NDUFAF2: variants seen among roughly 807,000 people sequenced by gnomAD.
The protein encoded by NDUFAF2 is NADH:ubiquinone oxidoreductase complex assembly factor 2.
A neutral mutation model predicts 22.8 loss-of-function variants in NDUFAF2; 13 were observed. The observed-to-expected ratio is 0.57, with a 90% CI of 0.37 to 0.91. NDUFAF2 has a LOEUF of 0.91. Ranked by LOEUF, NDUFAF2 falls within the 40% of genes least tolerant of loss-of-function variation. NDUFAF2 has a pLI of 0.01. For synonymous variants in NDUFAF2, 53 were observed against 64.2 expected (o/e 0.83, Z 0.84); for missense variants, 162 against 195.2 (o/e 0.83, Z 1.01).
chr5:60,969,080 A>T (rs866141437), intron 1 of NDUFAF2, among the ~76,000 whole-genome samples: 3 of 152,110 alleles, frequency 2.0e-5, no homozygotes. Flanking sequence ...TCCACTGTGT[A>T]TGTGTACCAC....
intron 3 of NDUFAF2, among the ~76,000 whole-genome samples, chr5:61,148,695 T>G (rs1263017532): frequency 1.3e-5 from 2 of 152,232 alleles, no homozygotes; most frequent in East Asian, 3.8e-4. Flanking sequence ...GGATTTGTAT[T>G]CAGTGGTCTG....
chr5:61,099,110 T>G (rs1752676982), intron 3 of NDUFAF2, 78 bp downstream of exon 3: 2 of 977,586 alleles, frequency 2.0e-6, no homozygotes, highest in Middle Eastern at 2.3e-4. Flanking sequence ...AACTATGATG[T>G]ATTTTCTCAA....
At chr5:61,115,005 G>C (rs1475443236) in intron 3 of NDUFAF2, 1 of 152,652 alleles carries the variant, frequency 6.6e-6, no homozygotes, top group Non-Finnish European at 1.5e-5. Context: ...AGGGAGGTGA[G>C]TTCCTTGGTT....
At chr5:61,084,022 G>T (rs999041948) in intron 2 of NDUFAF2, among the ~76,000 whole-genome samples, 1 of 151,674 alleles carries the variant, frequency 6.6e-6, no homozygotes, top group African/African-American at 2.4e-5. Context: ...ACTGGTAAAA[G>T]TGAACAACTT....
chr5:60,965,358 C>T (rs772906650), intron 1 of NDUFAF2, among the ~76,000 whole-genome samples: 128 of 152,128 alleles, frequency 8.4e-4, no homozygotes, highest in Non-Finnish European at 2.4e-4. Context: ...CTACACCTCA[C>T]AGGCTTATTT....
intron 3 of NDUFAF2, among the ~76,000 whole-genome samples, chr5:61,104,550 TA>T (rs780965525): frequency 6.6e-6 from 1 of 151,990 alleles, no homozygotes; most frequent in Non-Finnish European, 1.5e-5. Flanking sequence ...TGCTGCGGTC[TA>T]AAAAAAGGTT....
In NDUFAF2 at chr5:61,109,093, T is replaced by C. The variant is rs1228958511; in HGVS notation, c.258+10061T>C. Among the ~76,000 whole-genome samples the C allele has an allele frequency of 3.9e-5, 6 of 152,284 alleles. No homozygotes were observed. The South Asian group carries it at 1.0e-3, about 26-fold the overall frequency. On this transcript the variant is annotated intron_variant, in intron 3 of 3. Coordinates refer to ENST00000296597, the MANE Select transcript of NDUFAF2 (RefSeq NM_174889.5). ...TTTATTCTTCCAATTCATGAACATATAATATCCTTCCCTTTTGCCTGTGTC... is the reference window on the plus strand; with the variant it reads ...TTTATTCTTCCAATTCATGAACATACAATATCCTTCCCTTTTGCCTGTGTC...
In NDUFAF2 at chr5:60,945,426, G is replaced by T. The variant is rs754677895; in HGVS notation, c.127+44G>T. ...CAGCGATTGCGTGGTCAGTGATTGC[G>T]AGGTCAGTAAAGGAGGGAAAAGTGA... On this transcript the variant is annotated intron_variant, in intron 1 of 3. Transcript: ENST00000296597. The T allele has an allele frequency of 1.9e-5, 30 of 1,613,900 alleles. 1 individual carries two copies. In the Middle Eastern group the frequency reaches 4.9e-4, roughly 27 times the overall value.
intron 1 of NDUFAF2, among the ~76,000 whole-genome samples, chr5:61,046,632 G>C (rs577508250): frequency 3.3e-5 from 5 of 152,066 alleles, no homozygotes; most frequent in Non-Finnish European, 7.4e-5. Context: ...CTGAGAAAGA[G>C]GGAAAGTTAA....
chr5:61,036,920 T>A (rs1279447000), intron 1 of NDUFAF2, among the ~76,000 whole-genome samples: 1 of 152,204 alleles, frequency 6.6e-6, no homozygotes, highest in African/African-American at 2.4e-5. Flanking sequence ...TTTATGTAGG[T>A]TACCTTTCTG....
chr5:61,033,757 C>T (rs191022976), intron 1 of NDUFAF2, among the ~76,000 whole-genome samples: 1 of 151,886 alleles, frequency 6.6e-6, no homozygotes, highest in African/African-American at 2.4e-5. Context: ...AGGGATAAAC[C>T]GAAGCTGTAC....
intron 1 of NDUFAF2, among the ~76,000 whole-genome samples, chr5:60,999,762 G>A (rs1163591392): frequency 1.3e-5 from 2 of 152,062 alleles, no homozygotes; most frequent in Non-Finnish European, 2.9e-5. Context: ...TTTGTAGGAT[G>A]AATGCTGTCA....
intron 2 of NDUFAF2, among the ~76,000 whole-genome samples, 163 bp downstream of exon 2, chr5:61,073,377 TTGTG>T (rs1752326303): frequency 6.6e-6 from 1 of 152,208 alleles, no homozygotes; most frequent in Admixed American, 6.5e-5. Flanking sequence ...TCTTTGAAAG[TTGTG>T]AAGGTGCTGA....
chr5:61,012,997 G>A (rs1751459757), intron 1 of NDUFAF2, among the ~76,000 whole-genome samples: 1 of 151,956 alleles, frequency 6.6e-6, no homozygotes, highest in South Asian at 2.1e-4. Flanking sequence ...TCTCTAAGTA[G>A]CAATTGTGTG....
At chr5:61,139,639 G>A (rs1238762770) in intron 3 of NDUFAF2, among the ~76,000 whole-genome samples, 2 of 152,166 alleles carry the variant, frequency 1.3e-5, no homozygotes, top group Non-Finnish European at 2.9e-5. Flanking sequence ...GCGACAGGAG[G>A]CAGCCAAATG....
intron 1 of NDUFAF2, among the ~76,000 whole-genome samples, chr5:60,948,910 T>C (rs1462618971): frequency 1.3e-5 from 2 of 152,154 alleles, no homozygotes; most frequent in African/African-American, 4.8e-5. Flanking sequence ...CCACCAGGAG[T>C]GTATGAGATT....
intron 1 of NDUFAF2, among the ~76,000 whole-genome samples, chr5:60,963,402 T>G (rs1387069594): frequency 6.6e-6 from 1 of 152,168 alleles, no homozygotes; most frequent in East Asian, 1.9e-4. Context: ...ACTGGCAAGA[T>G]TTTTGAAAAG....
At chr5:61,059,069 A>G (rs1249159728) in intron 1 of NDUFAF2, among the ~76,000 whole-genome samples, 3 of 152,026 alleles carry the variant, frequency 2.0e-5, no homozygotes, top group African/African-American at 7.2e-5. Flanking sequence ...ACAGTTTTTG[A>G]TGTGTGATTT....
chr5:61,091,081 G>A (rs1391383053), intron 2 of NDUFAF2, among the ~76,000 whole-genome samples: 5 of 152,010 alleles, frequency 3.3e-5, no homozygotes, highest in Non-Finnish European at 7.4e-5. Context: ...TTTATCCAGT[G>A]TATCGCTGAT....
Sources: gnomAD v4.1 joint callset for allele counts (sites outside exome capture counted in the v4.1 genomes callset) on GRCh38, gnomAD v4.1.1 for gene constraint, MANE v1.5 for transcripts, NCBI Gene and HGNC (gene_info 2026-07-23, HGNC 2026-07-21) for gene names.